Variants in CPXM2 observed in about 807,000 individuals in gnomAD.
CPXM2 encodes inactive carboxypeptidase-like protein X2.
CPXM2 carries 66 observed loss-of-function variants against 86.1 expected under a neutral mutation model. That is an observed-to-expected ratio of 0.77 (90% CI 0.63 to 0.94). The LOEUF (loss-of-function observed/expected upper bound fraction) is 0.94. Among genes scored for constraint, CPXM2 ranks in the 40% least tolerant of loss-of-function variants. CPXM2 has a pLI of 0.00. For synonymous variants in CPXM2, 388 were observed against 400.2 expected (o/e 0.97, Z 0.36); for missense variants, 948 against 1,026.3 (o/e 0.92, Z 1.04).
At chr10:123,775,888 A>G (rs979422887) in intron 7 of CPXM2, among the ~76,000 whole-genome samples, 1 of 152,254 alleles carries the variant, frequency 6.6e-6, no homozygotes, top group Non-Finnish European at 1.5e-5. Flanking sequence ...CAAGGCAACC[A>G]TGAACATCCC....
At chr10:123,836,047 T>G (rs1282708723) in intron 4 of CPXM2, among the ~76,000 whole-genome samples, 1 of 152,108 alleles carries the variant, frequency 6.6e-6, no homozygotes, top group Non-Finnish European at 1.5e-5. Context: ...CCTTTCCGCT[T>G]CTGCTAGACC....
chr10:123,933,488 T>TGGGC (rs907995177), intron 2 of CPXM2, among the ~76,000 whole-genome samples: 53 of 152,274 alleles, frequency 3.5e-4, no homozygotes, highest in African/African-American at 1.3e-3. Context: ...GAGGCCAAGG[T>TGGGC]GGGCGGGTCA....
At chr10:123,932,559 T>C (rs919233844) in intron 2 of CPXM2, among the ~76,000 whole-genome samples, 2 of 152,372 alleles carry the variant, frequency 1.3e-5, no homozygotes, top group Middle Eastern at 6.8e-3. Flanking sequence ...TGACTCTCCA[T>C]CCTTCTGTAC....
At chr10:123,904,851 T>G (rs1481377748) in intron 2 of CPXM2, among the ~76,000 whole-genome samples, 1 of 33,118 alleles carries the variant, frequency 3.0e-5, no homozygotes, top group Non-Finnish European at 6.4e-5. Flanking sequence ...CTCCCTCATT[T>G]CCCCAACCTC....
At chr10:123,838,321 C>G (rs1180571474) in intron 4 of CPXM2, among the ~76,000 whole-genome samples, 4 of 152,164 alleles carry the variant, frequency 2.6e-5, no homozygotes, top group South Asian at 4.2e-4. Context: ...ATTAGCTGGG[C>G]ACAGTGATAG....
Position 123,865,169 on chromosome 10 carries a change from C to G in CPXM2, c.404-2446G>C, listed in dbSNP as rs1279036489. Among the ~76,000 whole-genome samples, 1 of 152,210 alleles carries G rather than the reference C, an allele frequency of 6.6e-6. No homozygotes were observed. The highest frequency in any genetic ancestry group is 1.5e-5 in the Non-Finnish European group (1 of 68,040). On this transcript the variant is annotated intron_variant, in intron 2 of 13. Coordinates refer to ENST00000241305, the MANE Select transcript of CPXM2 (RefSeq NM_198148.3). This position sits in a 1 kb window ranked among gnomAD's most constrained non-coding sequence, Gnocchi z 4.7. Reference sequence around the variant, plus strand: ...TAAACACACACGAACTTGGCCTGCTCGCAAACGTAGTCTTACAGGAACCCA... The same window carrying G: ...TAAACACACACGAACTTGGCCTGCTGGCAAACGTAGTCTTACAGGAACCCA...
At chr10:123,825,006 C>CA (rs1011018755) in intron 4 of CPXM2, among the ~76,000 whole-genome samples, 3 of 152,174 alleles carry the variant, frequency 2.0e-5, no homozygotes, top group Non-Finnish European at 4.4e-5. Context: ...TCTCTCAAAT[C>CA]AAAATTACCC....
At chr10:123,916,295 A>G (rs2134274745) in intron 2 of CPXM2, among the ~76,000 whole-genome samples, 1 of 152,272 alleles carries the variant, frequency 6.6e-6, no homozygotes, top group South Asian at 2.1e-4. Flanking sequence ...TCCATGGAGT[A>G]GGGGCCAGGA....
intron 4 of CPXM2, among the ~76,000 whole-genome samples, chr10:123,810,047 A>T (rs1366108292): frequency 2.6e-5 from 4 of 151,982 alleles, no homozygotes; most frequent in African/African-American, 9.7e-5. Flanking sequence ...AAATTAATGG[A>T]AGAACTATCC....
Position 123,820,189 on chromosome 10 carries a change from T to C in CPXM2, c.654-20990A>G. Reference sequence around the variant, plus strand: ...TTAATACTTAATAAAGCCCTTTTTTTATATATCTGTATTTTCTTAGTTCTG... The same window carrying C: ...TTAATACTTAATAAAGCCCTTTTTTCATATATCTGTATTTTCTTAGTTCTG... On this transcript the variant is annotated intron_variant, in intron 4 of 13. Coordinates refer to ENST00000241305, the MANE Select transcript of CPXM2 (RefSeq NM_198148.3). 2.0e-5 allele frequency among the ~76,000 whole-genome samples: 3 copies of C among 152,282 alleles called. No individual in the cohort carries two copies. In the South Asian group the frequency reaches 6.2e-4, roughly 32 times the overall value.
intron 6 of CPXM2, among the ~76,000 whole-genome samples, chr10:123,786,092 G>C (rs1847047117): frequency 6.6e-6 from 1 of 152,228 alleles, no homozygotes; most frequent in Admixed American, 6.5e-5. Context: ...TCTTGGGCTA[G>C]ATATGACCTA....
chr10:123,883,257 C>T (rs1945123511), intron 1 of CPXM2, among the ~76,000 whole-genome samples: 1 of 152,204 alleles, frequency 6.6e-6, no homozygotes, highest in Admixed American at 6.5e-5. Context: ...AAGGGAGTGG[C>T]AGATGGGGCT....
chr10:123,764,751 C>T (rs1366307703), intron 10 of CPXM2, among the ~76,000 whole-genome samples: 1 of 151,956 alleles, frequency 6.6e-6, no homozygotes, highest in Non-Finnish European at 1.5e-5. Context: ...CCTCCCAATA[C>T]CCTTGTTTTT....
Position 123,865,923 on chromosome 10 carries a change from T to C in CPXM2, c.404-3200A>G, listed in dbSNP as rs1447248131. Among the ~76,000 whole-genome samples the C allele has an allele frequency of 6.6e-6, 1 of 152,096 alleles. No individual in the cohort carries two copies. Among genetic ancestry groups the C allele is most frequent in the African/African-American group, 2.4e-5 (1 of 41,410 alleles). The stretch of plus-strand genomic sequence containing the variant: ...GTGGCCCTGGTCACTTTGTGGCCCT[T>C]TGGGACTCCTCAGCCTCTTCTCCGT... On this transcript the variant is annotated intron_variant, in intron 2 of 13. Coordinates refer to ENST00000241305, the MANE Select transcript of CPXM2 (RefSeq NM_198148.3). This position sits in a 1 kb window ranked among gnomAD's most constrained non-coding sequence, Gnocchi z 4.7.
chr10:123,861,345 C>G (rs1048669858), intron 3 of CPXM2, among the ~76,000 whole-genome samples: 1 of 152,178 alleles, frequency 6.6e-6, no homozygotes. Flanking sequence ...GAGAGCCACA[C>G]AGGACGGTAG....
At chr10:123,784,594 A>G (rs28490058) in intron 6 of CPXM2, among the ~76,000 whole-genome samples, 4,039 of 152,262 alleles carry the variant, frequency 0.027, 175 homozygotes, top group African/African-American at 0.092. Flanking sequence ...ATAAAAATAA[A>G]TCCTTCAATC....
At chr10:123,928,511 A>T (rs1259345774) in intron 2 of CPXM2, among the ~76,000 whole-genome samples, 1 of 152,122 alleles carries the variant, frequency 6.6e-6, no homozygotes, top group Non-Finnish European at 1.5e-5. Flanking sequence ...CCTCCCCTTG[A>T]TCCTATGTTG....
At chr10:123,908,300 G>A (rs1237319104) in intron 2 of CPXM2, among the ~76,000 whole-genome samples, 1 of 152,182 alleles carries the variant, frequency 6.6e-6, no homozygotes, top group East Asian at 1.9e-4. Context: ...ACTAGGAAGT[G>A]AGAACACTTA....
rs767467748 is a variant in CPXM2 at position 123,832,488 on chromosome 10, C to T, written c.653+9861G>A. 6.1e-4 allele frequency among the ~76,000 whole-genome samples: 93 copies of T among 152,172 alleles called. No homozygotes were observed. The Middle Eastern group carries it at 0.014, about 22-fold the overall frequency. On this transcript the variant is annotated intron_variant, in intron 4 of 13. Coordinates refer to ENST00000241305, the MANE Select transcript of CPXM2 (RefSeq NM_198148.3). Reference sequence around the variant, plus strand: ...TGCTGTGGTTGAGTGTGTGTCCCTCCAAAATTCATATGTTGGAACCAAATC... The same window carrying T: ...TGCTGTGGTTGAGTGTGTGTCCCTCTAAAATTCATATGTTGGAACCAAATC...
Sources: gnomAD v4.1 joint callset for allele counts (sites outside exome capture counted in the v4.1 genomes callset) on GRCh38, gnomAD v4.1.1 for gene constraint, Gnocchi (gnomAD v3.1) non-coding constraint, MANE v1.5 for transcripts, NCBI Gene and HGNC (gene_info 2026-07-23, HGNC 2026-07-21) for gene names.